The following SLC9C2 variants were observed in gnomAD, a reference collection of about 807,000 sequenced individuals.
SLC9C2 encodes solute carrier family 9 member C2 (putative), also known as sodium/hydrogen exchanger 11.
In SLC9C2, 75 loss-of-function variants were observed where a neutral mutation model predicts 140.2. That is an observed-to-expected ratio of 0.53 (90% CI 0.44 to 0.65). The LOEUF (loss-of-function observed/expected upper bound fraction) is 0.65. Ranked by LOEUF, SLC9C2 falls within the 30% of genes least tolerant of loss-of-function variation. The pLI, the probability that SLC9C2 is intolerant of heterozygous loss-of-function variation, is 0.00. For missense variants in SLC9C2, 1,074 were observed against 1,331.8 expected, an observed-to-expected ratio of 0.81 and a Z score of 3.01; for synonymous variants, 375 against 420.9, an observed-to-expected ratio of 0.89 and a Z score of 1.34.
At chr1:173,520,693 T>C (rs1412288549) in intron 22 of SLC9C2, among the ~76,000 whole-genome samples, 1 of 152,216 alleles carries the variant, frequency 6.6e-6, no homozygotes, top group East Asian at 1.9e-4. Context: ...GGTAGTTTAT[T>C]TCCATGATAT....
At chr1:173,510,569 A>G (rs1286866467) in intron 23 of SLC9C2, among the ~76,000 whole-genome samples, 1 of 152,094 alleles carries the variant, frequency 6.6e-6, no homozygotes, top group Non-Finnish European at 1.5e-5. Flanking sequence ...CCCACTTATG[A>G]GTGAGAACAT....
chr1:173,554,803 A>G lies in SLC9C2; in HGVS notation c.1227T>C (p.Tyr409=). The part of the protein sequence containing the change: ...KVEVPQMFIL[Y]VQVISLLTMG... ...TTGTCAATAATGATATTACTTGTAC[A>G]TAGAGTATAAACTAAAAACAAAGCA... is the stretch of plus-strand genomic sequence containing the variant. The change falls in exon 11 of 28, where the codon TAT becomes TAC. Residue 409 remains tyrosine (Y), a synonymous_variant. Transcript: ENST00000367714. 6.3e-7 allele frequency: 1 copy of G among 1,587,100 alleles called. No individual in the cohort carries two copies. Among genetic ancestry groups the G allele is most frequent in the Non-Finnish European group, 8.6e-7 (1 of 1,156,516 alleles).
chr1:173,563,520 G>GA (rs1180001669), intron 9 of SLC9C2, among the ~76,000 whole-genome samples: 1 of 151,862 alleles, frequency 6.6e-6, no homozygotes, highest in Non-Finnish European at 1.5e-5. Context: ...CATGAATACT[G>GA]AAAAAACCTC....
At chr1:173,592,733 A>T (rs1666236002) in intron 4 of SLC9C2, among the ~76,000 whole-genome samples, 1 of 152,194 alleles carries the variant, frequency 6.6e-6, no homozygotes, top group Non-Finnish European at 1.5e-5. Flanking sequence ...GAAGTTATTT[A>T]TCAGCTGAAG....
chr1:173,598,062 G>A (rs770381689), intron 3 of SLC9C2, 30 bp from the exon 4 acceptor site: 19 of 1,557,512 alleles, frequency 1.2e-5, no homozygotes, highest in Admixed American at 2.1e-5. Flanking sequence ...CAAGAAATTA[G>A]TTTGCTACCA....
intron 9 of SLC9C2, among the ~76,000 whole-genome samples, chr1:173,565,327 T>A (rs1056393651): frequency 3.3e-5 from 5 of 152,214 alleles, no homozygotes; most frequent in Non-Finnish European, 7.3e-5. Context: ...CTTGCAGTAG[T>A]TTCATAGGTT....
intron 21 of SLC9C2, among the ~76,000 whole-genome samples, chr1:173,523,618 T>C (rs1266261781): frequency 2.6e-5 from 4 of 152,208 alleles, no homozygotes. Flanking sequence ...TTTTACACTA[T>C]CTGCCCGGTC....
At position 173,521,295 on chromosome 1, in the gene SLC9C2, C is replaced by G. The variant is rs748545140; in HGVS notation, c.2739+6G>C. On this transcript the variant is annotated splice_donor_region_variant and intron_variant, in intron 22 of 27. Coordinates refer to ENST00000367714, the MANE Select transcript of SLC9C2 (RefSeq NM_178527.4). The stretch of plus-strand genomic sequence containing the variant: ...AAAAAAAAAAAAAAAATCAATAGTC[C>G]CTTACAATTGCCATTCCTGAAATAA... The G allele has an allele frequency of 4.1e-6, 6 of 1,448,884 alleles. No homozygotes were observed. The Admixed American group carries it at 1.5e-4, about 36-fold the overall frequency. The allele number at this position is 1,448,884 out of a possible 1,614,324, so 89.8% of individuals were successfully genotyped here. A position where few individuals can be genotyped will look rare whatever the true frequency, so the allele number is the denominator to read the frequency against.
intron 6 of SLC9C2, 87 bp downstream of exon 6, chr1:173,583,418 GA>G: frequency 1.3e-6 from 1 of 751,280 alleles, no homozygotes; most frequent in Non-Finnish European, 2.2e-6. Context: ...GTAAAGTATA[GA>G]GAAGGCAGCA....
Position 173,581,984 on chromosome 1 carries a change from C to A in SLC9C2, c.665G>T (p.Ser222Ile). The A allele has an allele frequency of 6.3e-7, 1 of 1,583,504 alleles. No individual in the cohort carries two copies. The change falls in exon 7 of 28, where the codon AGC becomes ATC. Residue 222 changes from serine to isoleucine, a missense_variant. Ser to Ile is a moderately radical substitution (Grantham distance 142). Coordinates refer to ENST00000367714, the MANE Select transcript of SLC9C2 (RefSeq NM_178527.4). ...TATTATGCTTCCCAAAATGTCATAG[C>A]TGAGTTCAATGCCTACATGTAAATC... The part of the protein sequence containing the change: ...FRDLHVGIEL[S>I]YDILGSIIFG...
At chr1:173,501,596 C>T (rs538254105) in intron 27 of SLC9C2, among the ~76,000 whole-genome samples, 16 of 150,196 alleles carry the variant, frequency 1.1e-4, no homozygotes, top group African/African-American at 2.5e-4. Context: ...CTGCAACCTC[C>T]GCCTCCCAGG....
At chr1:173,550,443 TATTTA>T (rs1663187027) in intron 11 of SLC9C2, among the ~76,000 whole-genome samples, 2 of 120,614 alleles carry the variant, frequency 1.7e-5, no homozygotes, top group East Asian at 3.6e-4. Flanking sequence ...TTTATTTATT[TATTTA>T]TTTATTTTTG....
At chr1:173,560,788 T>C (rs1459324912) in intron 9 of SLC9C2, among the ~76,000 whole-genome samples, 1 of 152,142 alleles carries the variant, frequency 6.6e-6, no homozygotes, top group Non-Finnish European at 1.5e-5. Flanking sequence ...CTCTTTCTTT[T>C]TAATTTTTAA....
chr1:173,505,450 C>A, intron 25 of SLC9C2, 119 bp from the exon 26 acceptor site: 1 of 704,042 alleles, frequency 1.4e-6, no homozygotes, highest in African/African-American at 1.8e-5. Context: ...GGTCTTCAAT[C>A]TTGGCTCTAT....
chr1:173,586,566 A>G (rs1218514400), intron 5 of SLC9C2, among the ~76,000 whole-genome samples: 1 of 152,222 alleles, frequency 6.6e-6, no homozygotes, highest in African/African-American at 2.4e-5. Flanking sequence ...TCTACTATAA[A>G]GACACATACA....
At chr1:173,537,607 TGTATATATA>T (rs1662069811) in intron 13 of SLC9C2, among the ~76,000 whole-genome samples, 5 of 69,652 alleles carry the variant, frequency 7.2e-5, no homozygotes, top group African/African-American at 3.8e-4. Flanking sequence ...TGTATATATA[TGTATATATA>T]TGTATATACA....
intron 13 of SLC9C2, among the ~76,000 whole-genome samples, chr1:173,538,055 T>C (rs12043475): frequency 0.21 from 31,268 of 152,174 alleles, 4,319 homozygotes; most frequent in East Asian, 0.64. Flanking sequence ...ACACCACTTA[T>C]ATCTCAAGAC....
At chr1:173,548,273 C>T (rs758630020) in intron 12 of SLC9C2, 116 bp downstream of exon 12, 25 of 1,014,856 alleles carry the variant, frequency 2.5e-5, no homozygotes, top group Non-Finnish European at 3.2e-5. Flanking sequence ...GTAACTATCT[C>T]CCCTCAGTTT....
At chr1:173,510,480 C>T (rs1370420104) in intron 23 of SLC9C2, among the ~76,000 whole-genome samples, 1 of 152,098 alleles carries the variant, frequency 6.6e-6, no homozygotes, top group East Asian at 1.9e-4. Context: ...GCTCTCATTC[C>T]TCTCACCCCC....
Sources: allele counts gnomAD v4.1 joint callset (sites outside exome capture counted in the v4.1 genomes callset), GRCh38; gene constraint gnomAD v4.1.1; transcripts MANE v1.5; gene names NCBI Gene and HGNC (gene_info 2026-07-23, HGNC 2026-07-21).